GNL2: variants seen among roughly 807,000 people sequenced by gnomAD.
The protein encoded by GNL2 is nucleolar GTP-binding protein 2.
GNL2 carries 51 observed loss-of-function variants against 92.3 expected under a neutral mutation model. The ratio of observed to expected loss-of-function variants is 0.55; its 90% CI spans 0.44 to 0.70. The LOEUF is 0.70. Ranked by LOEUF, GNL2 falls within the 30% of genes least tolerant of loss-of-function variation. The pLI, the probability that GNL2 is intolerant of heterozygous loss-of-function variation, is 0.00. For synonymous variants in GNL2, 283 were observed against 300.6 expected, an observed-to-expected ratio of 0.94 and a Z score of 0.61; for missense variants, 844 against 895.6, an observed-to-expected ratio of 0.94 and a Z score of 0.74.
At position 37,568,908 on chromosome 1, in the gene GNL2, A is replaced by G; in HGVS notation, c.1811T>C (p.Ile604Thr). The change falls in exon 13 of 16, where the codon ATT becomes ACT. Residue 604 changes from isoleucine to threonine, a missense_variant. Physicochemically the swap from Ile to Thr is moderately conservative, Grantham distance 89 (BLOSUM62 -1). Coordinates refer to ENST00000373062, the MANE Select transcript of GNL2 (RefSeq NM_013285.3). Reference protein sequence around the residue: ...KAVIKALDEKIAKYQKFLDKA... With the variant: ...KAVIKALDEKTAKYQKFLDKA... ...GTCTAGAAACTTCTGATATTTGGCAATCTTCTCATCCAGTGCTTTAATAAC... is the reference window on the plus strand; with the variant it reads ...GTCTAGAAACTTCTGATATTTGGCAGTCTTCTCATCCAGTGCTTTAATAAC... 8 of 1,614,146 alleles carry G rather than the reference A, an allele frequency of 5.0e-6. No homozygotes were observed. Among genetic ancestry groups the G allele is most frequent in the Non-Finnish European group, 6.8e-6 (8 of 1,180,020 alleles).
chr1:37,569,871 T>A (rs1165387378), intron 12 of GNL2: 1 of 152,566 alleles, frequency 6.6e-6, no homozygotes, highest in African/African-American at 2.4e-5. Context: ...GGCAGGTCTT[T>A]CCCATGCCGC....
chr1:37,569,643 C>T lies in GNL2; in HGVS notation c.1417-341G>A, dbSNP rs1643565445. 1.8e-5 allele frequency: 4 copies of T among 225,900 alleles called. No homozygotes were observed. The South Asian group carries it at 3.1e-4, about 18-fold the overall frequency. The allele number at this position is 225,900 out of a possible 1,614,324, so 14.0% of individuals were successfully genotyped here. A position where few individuals can be genotyped will look rare whatever the true frequency, so the allele number is the denominator to read the frequency against. Reference sequence around the variant, plus strand: ...TATAAGCACATGCAAAATCAGCACACACAACTACATAAAAATGAAGGCCAG... The same window carrying T: ...TATAAGCACATGCAAAATCAGCACATACAACTACATAAAAATGAAGGCCAG... On this transcript the variant is annotated intron_variant, in intron 12 of 15. Coordinates refer to ENST00000373062, the MANE Select transcript of GNL2 (RefSeq NM_013285.3).
At chr1:37,591,748 T>C (rs112147550) in intron 3 of GNL2, among the ~76,000 whole-genome samples, 61 of 152,238 alleles carry the variant, frequency 4.0e-4, no homozygotes, top group African/African-American at 1.4e-3. Context: ...CTCAAGTGAT[T>C]CACCAGCCTT....
At chr1:37,595,723 C>G (rs1279458504) in intron 1 of GNL2, 36 bp downstream of exon 1, 1 of 1,596,856 alleles carries the variant, frequency 6.3e-7, no homozygotes, top group Non-Finnish European at 8.6e-7. Context: ...TATACTTCCT[C>G]CAAGCTCCAC....
chr1:37,587,551 A>AGGTCTCTCCTCATCCCCAAAATAAAT, intron 4 of GNL2, 56 bp from the exon 5 acceptor site: 1 of 1,161,604 alleles, frequency 8.6e-7, no homozygotes, highest in African/African-American at 1.5e-5. Flanking sequence ...GAAAAAGCAA[A>AGGTCTCTCCTCATCCCCAAAATAAAT]AAGCTCAACA....
intron 12 of GNL2, among the ~76,000 whole-genome samples, chr1:37,573,308 C>A (rs1490964183): frequency 2.6e-5 from 4 of 152,280 alleles, no homozygotes; most frequent in Admixed American, 6.5e-5. Flanking sequence ...GAAACCAGCA[C>A]TGTATGGACC....
intron 3 of GNL2, among the ~76,000 whole-genome samples, chr1:37,591,350 C>T (rs949185694): frequency 2.0e-5 from 3 of 152,170 alleles, no homozygotes; most frequent in Admixed American, 6.5e-5. Context: ...ACCTGGAAAA[C>T]ATCTTGTGAG....
At chr1:37,576,586 C>T in intron 8 of GNL2, 30 bp from the exon 9 acceptor site, 1 of 1,607,936 alleles carries the variant, frequency 6.2e-7, no homozygotes. Context: ...ACAGCACATA[C>T]ATGCAGTCAT....
In GNL2 at chr1:37,582,681, A is replaced by G. The variant is rs564183245; in HGVS notation, c.795+97T>C. 4.2e-5 allele frequency: 43 copies of G among 1,034,612 alleles called. No homozygotes were observed. The East Asian group carries it at 1.0e-3, about 24-fold the overall frequency. The allele number at this position is 1,034,612 out of a possible 1,614,324, so 64.1% of individuals were successfully genotyped here. ...TTCCAATGAGAGCACTCCCATTACT[A>G]CAATCTCAGCCGGACAACACTTTAG... On this transcript the variant is annotated intron_variant, in intron 7 of 15. Transcript: ENST00000373062.
intron 12 of GNL2, among the ~76,000 whole-genome samples, chr1:37,572,190 C>T (rs553440944): frequency 6.6e-6 from 1 of 152,260 alleles, no homozygotes; most frequent in South Asian, 2.1e-4. Flanking sequence ...TCACAGCACG[C>T]AAGACTTCCT....
chr1:37,589,340 T>G (rs1643873915), intron 4 of GNL2, among the ~76,000 whole-genome samples: 1 of 152,290 alleles, frequency 6.6e-6, no homozygotes, highest in Admixed American at 6.5e-5. Flanking sequence ...AGTCTTGCTC[T>G]GTCGCCTGGG....
rs577154134 is a variant in GNL2 at position 37,568,550 on chromosome 1, G to A, written c.1869-193C>T. ...TCTAAAGCTTCTCATACTGCAGGCAGCTGAATTTTACAAAATTTACAGTTC... is the reference window on the plus strand; with the variant it reads ...TCTAAAGCTTCTCATACTGCAGGCAACTGAATTTTACAAAATTTACAGTTC... On this transcript the variant is annotated intron_variant, in intron 13 of 15. Transcript: ENST00000373062. The A allele has an allele frequency of 5.2e-4, 312 of 603,532 alleles. 1 individual carries two copies. The African/African-American group carries it at 5.3e-3, about 10-fold the overall frequency. The allele number at this position is 603,532 out of a possible 1,614,324, so 37.4% of individuals were successfully genotyped here.
chr1:37,582,878 GTACC>G lies in GNL2; in HGVS notation c.691_694del (p.Gly231LeufsTer10). On this transcript the variant is annotated frameshift_variant, in exon 7 of 16. Transcript: ENST00000373062. LOFTEE classifies it high-confidence loss of function. Reference sequence around the variant, plus strand: ...GTAAGTTTCAATGTGAGGGGAACGAGTACCCATTGGATCTCTAGCATCAAGAACT... The same window carrying G: ...GTAAGTTTCAATGTGAGGGGAACGAGCATTGGATCTCTAGCATCAAGAACT... 6.2e-7 allele frequency: 1 copy of G among 1,611,346 alleles called. No homozygotes were observed. The highest frequency in any genetic ancestry group is 8.5e-7 in the Non-Finnish European group (1 of 1,177,468).
chr1:37,590,608 C>T (rs891532482), intron 4 of GNL2, 98 bp downstream of exon 4: 10 of 1,005,418 alleles, frequency 9.9e-6, no homozygotes, highest in Admixed American at 7.9e-5. Context: ...ATTAAAGTCA[C>T]TATTTTCTAA....
At chr1:37,572,027 T>C (rs761653473) in intron 12 of GNL2, among the ~76,000 whole-genome samples, 2 of 152,118 alleles carry the variant, frequency 1.3e-5, no homozygotes, top group Non-Finnish European at 1.5e-5. Flanking sequence ...GGATGTGCTG[T>C]TCCCCTTGCC....
Position 37,582,778 on chromosome 1 carries a change from T to C in GNL2, c.795A>G (p.Thr265=). ...ATTCTGGTTTAGTAGTTGTACTTAC[T>C]GTTGCCCAGGTTGGAACAAGGTCAC... ...NKCDLVPTWA[T]KRWVAVLSQD... is the part of the protein sequence containing the mutation. Residue 265 remains threonine, a splice_region_variant and synonymous_variant, in exon 7 of 16, where the codon ACA becomes ACG. Transcript: ENST00000373062. The C allele has an allele frequency of 6.2e-7, 1 of 1,611,038 alleles. No individual in the cohort carries two copies. The highest frequency in any genetic ancestry group is 2.2e-5 in the East Asian group (1 of 44,858).
In GNL2 at chr1:37,569,557, C is replaced by A. The variant is rs1193441651; in HGVS notation, c.1417-255G>T. Reference sequence around the variant, plus strand: ...ACTAAGACTATTTAAACCATTAAAACCAACCAATGATTTATCATAGAAAAG... The same window carrying A: ...ACTAAGACTATTTAAACCATTAAAAACAACCAATGATTTATCATAGAAAAG... On this transcript the variant is annotated intron_variant, in intron 12 of 15. Transcript: ENST00000373062. 1.7e-5 allele frequency: 7 copies of A among 408,510 alleles called. No individual in the cohort carries two copies. In the Admixed American group the frequency reaches 2.1e-4, roughly 12 times the overall value. 25.3% of individuals were successfully genotyped at this position (408,510 alleles called of 1,614,324 possible).
intron 15 of GNL2, 55 bp from the exon 16 acceptor site, chr1:37,567,062 C>T (rs1277649656): frequency 1.9e-6 from 3 of 1,567,144 alleles, no homozygotes; most frequent in African/African-American, 2.7e-5. Context: ...CCCTGAAAGT[C>T]ATTCACAAAA....
chr1:37,569,687 G>C (rs1485282327), intron 12 of GNL2: 2 of 192,800 alleles, frequency 1.0e-5, no homozygotes, highest in African/African-American at 4.7e-5. Context: ...TTACAGATGA[G>C]AACAGTACTA....
Sources: allele counts gnomAD v4.1 joint callset (sites outside exome capture counted in the v4.1 genomes callset), GRCh38; gene constraint gnomAD v4.1.1; transcripts MANE v1.5; gene names NCBI Gene and HGNC (gene_info 2026-07-23, HGNC 2026-07-21).